The following ADAMTS13 variants were observed in gnomAD, a reference collection of about 807,000 sequenced individuals.
ADAMTS13 encodes the protein A disintegrin and metalloproteinase with thrombospondin motifs 13.
In ADAMTS13, 110 loss-of-function variants were observed where a neutral mutation model predicts 155.1. The ratio of observed to expected loss-of-function variants is 0.71; its 90% CI spans 0.61 to 0.83. The LOEUF is 0.83. Among genes scored for constraint, ADAMTS13 ranks in the 40% least tolerant of loss-of-function variants. The pLI is 0.00. For synonymous variants in ADAMTS13, 758 were observed against 756.4 expected, an observed-to-expected ratio of 1.00 and a Z score of -0.03; for missense variants, 1,707 against 1,891.7, an observed-to-expected ratio of 0.90 and a Z score of 1.81.
exon 1 of ADAMTS13, chr9:133,414,558 G>T: frequency 1.0e-6 from 1 of 963,874 alleles, no homozygotes; most frequent in Non-Finnish European, 1.7e-6. Context: ...CGACATCAGG[G>T]TAAAGTGATG....
intron 28 of ADAMTS13, among the ~76,000 whole-genome samples, chr9:133,458,573 A>AAAAAAAAG (rs1842890232): frequency 1.3e-5 from 2 of 151,448 alleles, no homozygotes; most frequent in Non-Finnish European, 2.9e-5. Flanking sequence ...AAAAAAAAAA[A>AAAAAAAAG]AAAGCGAAAT....
At position 133,428,663 on chromosome 9, in the gene ADAMTS13, G is replaced by A; in HGVS notation, c.716G>A (p.Gly239Asp). The A allele has an allele frequency of 7.4e-7, 1 of 1,350,342 alleles. No individual in the cohort carries two copies. The highest frequency in any genetic ancestry group is 9.6e-7 in the Non-Finnish European group (1 of 1,046,884). The allele number at this position is 1,350,342 out of a possible 1,614,324, so 83.6% of individuals were successfully genotyped here. A position where few individuals can be genotyped will look rare whatever the true frequency, so the allele number is the denominator to read the frequency against. Residue 239 changes from glycine to aspartate, a missense_variant, in exon 7 of 29, where the codon GGC becomes GAC. By Grantham distance (94) the Gly-to-Asp change is moderately conservative. This residue lies in a region of ADAMTS13 where 733 missense variants were observed against 749.6 expected (regional missense o/e 0.98). Transcript: ENST00000355699. ...SFGLEHDGAP[G>D]SGCGPSGHVM... The stretch of plus-strand genomic sequence containing the variant: ...GGCCTGGAGCACGACGGCGCGCCCG[G>A]CAGCGGCTGCGGCCCCAGCGGACAC...
At chr9:133,435,861 G>T (rs1841162424) in intron 11 of ADAMTS13, among the ~76,000 whole-genome samples, 1 of 152,052 alleles carries the variant, frequency 6.6e-6, no homozygotes, top group East Asian at 1.9e-4. Context: ...CTGCCAAACC[G>T]TTTTCCACAG....
chr9:133,417,468 C>G (rs1391805751), upstream of ADAMTS13: 9 of 785,716 alleles, frequency 1.1e-5, no homozygotes, highest in Admixed American at 2.4e-5. Flanking sequence ...AGACCTCCCT[C>G]AACAGGCCAC....
chr9:133,458,983 ACC>A lies in ADAMTS13; in HGVS notation c.3921_3922del (p.His1308GlnfsTer23), dbSNP rs1842929097. ...GCCCCTTTTCTCTCAGATCCGGGAC[ACC>A]CACAGCTTGAGGACCACAGCGTTCC... ...ANASYILIRD[T>X]HSLRTTAFHG... On this transcript the variant is annotated frameshift_variant, in exon 29 of 29. Coordinates refer to ENST00000355699, the MANE Select transcript of ADAMTS13 (RefSeq NM_139027.6). LOFTEE classifies it low-confidence loss of function (END_TRUNC). 6.2e-7 allele frequency: 1 copy of A among 1,612,958 alleles called. No homozygotes were observed. Among genetic ancestry groups the A allele is most frequent in the Admixed American group, 1.7e-5 (1 of 60,008 alleles).
rs782468698 is a variant in ADAMTS13 at position 133,445,485 on chromosome 9, C to T, written c.2611-214C>T. Among the ~76,000 whole-genome samples the T allele has an allele frequency of 1.3e-5, 2 of 152,182 alleles. No individual in the cohort carries two copies. Among genetic ancestry groups the T allele is most frequent in the African/African-American group, 2.4e-5 (1 of 41,450 alleles). ...CTCGGCCAGGCCCACAGTGAGCACTCATGCTGCTGAGGAGCCTGCAAAGGT... is the reference window on the plus strand; with the variant it reads ...CTCGGCCAGGCCCACAGTGAGCACTTATGCTGCTGAGGAGCCTGCAAAGGT... On this transcript the variant is annotated intron_variant, in intron 20 of 28. Transcript: ENST00000355699. This position sits in a 1 kb window ranked among gnomAD's most constrained non-coding sequence, Gnocchi z 5.0.
chr9:133,437,714 G>A (rs782271632), intron 12 of ADAMTS13, 35 bp from the exon 13 acceptor site: 7 of 1,613,176 alleles, frequency 4.3e-6, no homozygotes, highest in East Asian at 4.5e-5. Context: ...CCTCCTGCTC[G>A]GTTCAGGACA....
chr9:133,450,566 A>C (rs1842373950), intron 23 of ADAMTS13, among the ~76,000 whole-genome samples: 2 of 129,092 alleles, frequency 1.5e-5, no homozygotes, highest in Non-Finnish European at 3.3e-5. Flanking sequence ...ACTCCATCTC[A>C]AAAAAAAAAA....
At position 133,432,613 on chromosome 9, in the gene ADAMTS13, A is replaced by T. The variant is rs782616826; in HGVS notation, c.1013A>T (p.His338Leu). ...HLDMCQALSCHTDPLDQSSCS... is the reference protein window; with the variant it reads ...HLDMCQALSCLTDPLDQSSCS... ...GATATGTGCCAGGCCCTCTCCTGCCACACAGACCCGCTGGACCAAAGCAGC... is the reference window on the plus strand; with the variant it reads ...GATATGTGCCAGGCCCTCTCCTGCCTCACAGACCCGCTGGACCAAAGCAGC... The change falls in exon 9 of 29, where the codon CAC (histidine) becomes CTC (leucine). Residue 338 changes from histidine (H) to leucine (L), a missense_variant. Coordinates refer to ENST00000355699, the MANE Select transcript of ADAMTS13 (RefSeq NM_139027.6). 6.4e-7 allele frequency: 1 copy of T among 1,555,614 alleles called. No homozygotes were observed.
chr9:133,430,209 G>A (rs1015482894), intron 8 of ADAMTS13, 108 bp downstream of exon 8: 55 of 1,441,892 alleles, frequency 3.8e-5, no homozygotes, highest in Non-Finnish European at 5.1e-5. Context: ...GCCGTGCTAG[G>A]CTGAGGTACT....
In ADAMTS13 at chr9:133,440,341, C is replaced by T; in HGVS notation, c.1787-3C>T. 2 of 1,613,976 alleles carry T rather than the reference C, an allele frequency of 1.2e-6. No individual in the cohort carries two copies. The highest frequency in any genetic ancestry group is 1.7e-6 in the Non-Finnish European group (2 of 1,180,026). ...ACAGCTAACAGGGCTGGTTCCCCGACAGCGGTGAGGATCGGAGGGCGCTAT... is the reference window on the plus strand; with the variant it reads ...ACAGCTAACAGGGCTGGTTCCCCGATAGCGGTGAGGATCGGAGGGCGCTAT... On this transcript the variant is annotated splice_region_variant and splice_polypyrimidine_tract_variant and intron_variant, in intron 15 of 28. Coordinates refer to ENST00000355699, the MANE Select transcript of ADAMTS13 (RefSeq NM_139027.6). This position sits in a 1 kb window ranked among gnomAD's most constrained non-coding sequence, Gnocchi z 4.3.
chr9:133,417,659 T>C, upstream of ADAMTS13: 1 of 1,614,070 alleles, frequency 6.2e-7, no homozygotes, highest in Non-Finnish European at 8.5e-7. Context: ...AGTCTTCTGG[T>C]GCCTTTGGAG....
chr9:133,433,218 C>A (rs924008986), intron 9 of ADAMTS13, among the ~76,000 whole-genome samples, 160 bp from the exon 10 acceptor site: 1 of 147,636 alleles, frequency 6.8e-6, no homozygotes, highest in African/African-American at 2.5e-5. Context: ...TTGGGGGATC[C>A]CTATGGGTGA....
At chr9:133,443,626 C>G in intron 19 of ADAMTS13, 65 bp downstream of exon 19, 2 of 1,442,032 alleles carry the variant, frequency 1.4e-6, no homozygotes, top group South Asian at 1.4e-5. Context: ...CTGCGCTGAG[C>G]CCCCATCCTT....
chr9:133,458,151 GCAGGGCTAGGGGACCCCCTT>G (rs1174849340), intron 28 of ADAMTS13, 57 bp downstream of exon 28: 1 of 1,587,064 alleles, frequency 6.3e-7, no homozygotes, highest in Non-Finnish European at 8.6e-7. Flanking sequence ...CCTAGGGCGT[GCAGGGCTAGGGGACCCCCTT>G]CAGTTTATTT....
chr9:133,432,273 C>A (rs1286070179), intron 8 of ADAMTS13, among the ~76,000 whole-genome samples: 4 of 151,894 alleles, frequency 2.6e-5, no homozygotes, highest in Non-Finnish European at 4.4e-5. Flanking sequence ...CAAAAAAAAA[C>A]AAGAAAGAAA....
chr9:133,415,840 A>C (rs1839562272), intron 1 of ADAMTS13: 1 of 152,096 alleles, frequency 6.6e-6, no homozygotes, highest in Admixed American at 6.6e-5. Context: ...TGCCCACGGG[A>C]ATTTGACTGG....
At chr9:133,458,707 G>GTTT (rs1842907058) in intron 28 of ADAMTS13, among the ~76,000 whole-genome samples, 3 of 152,116 alleles carry the variant, frequency 2.0e-5, no homozygotes, top group African/African-American at 7.2e-5. Flanking sequence ...GGTTTCAAGT[G>GTTT]TCCTGGGAGA....
chr9:133,416,505 G>A (rs897506163), intron 1 of ADAMTS13, among the ~76,000 whole-genome samples: 2 of 152,210 alleles, frequency 1.3e-5, no homozygotes, highest in Non-Finnish European at 2.9e-5. Flanking sequence ...GGGCTACTCG[G>A]GAGGCTGAGG....
Sources: gnomAD v4.1 joint callset for allele counts (sites outside exome capture counted in the v4.1 genomes callset) on GRCh38, gnomAD v4.1.1 for gene constraint, gnomAD v4.1.1 regional missense constraint, Gnocchi (gnomAD v3.1) non-coding constraint, MANE v1.5 for transcripts, NCBI Gene and HGNC (gene_info 2026-07-23, HGNC 2026-07-21) for gene names.